Variants in GRAMD4 observed in about 807,000 individuals in gnomAD.
The protein encoded by GRAMD4 is GRAM domain containing 4.
A neutral mutation model predicts 83.9 loss-of-function variants in GRAMD4; 25 were observed. The ratio of observed to expected loss-of-function variants is 0.30; its 90% CI spans 0.22 to 0.42. GRAMD4 has a LOEUF of 0.42. GRAMD4 is among the 10% of genes least tolerant of loss of function. The pLI is 1.00. For synonymous variants in GRAMD4, 336 were observed against 320.9 expected, an observed-to-expected ratio of 1.05 and a Z score of -0.50; for missense variants, 593 against 788.7, an observed-to-expected ratio of 0.75 and a Z score of 2.97.
chr22:46,655,784 C>T (rs1601645999), intron 3 of GRAMD4, among the ~76,000 whole-genome samples: 1 of 152,256 alleles, frequency 6.6e-6, no homozygotes, highest in Non-Finnish European at 1.5e-5. Context: ...GCAGAGGCCA[C>T]CTGCCTCCCT....
chr22:46,665,385 G>T (rs1035917295), intron 8 of GRAMD4, among the ~76,000 whole-genome samples: 1 of 152,242 alleles, frequency 6.6e-6, no homozygotes, highest in African/African-American at 2.4e-5. Flanking sequence ...CTGTCCCCAG[G>T]ACACGCTTCT....
At chr22:46,653,178 CTGATT>C (rs922806861) in intron 3 of GRAMD4, among the ~76,000 whole-genome samples, 3 of 152,228 alleles carry the variant, frequency 2.0e-5, no homozygotes, top group Non-Finnish European at 4.4e-5. Context: ...CTGGGACAGG[CTGATT>C]TGCCACGCTG....
At chr22:46,632,051 A>G (rs1365424764) in intron 2 of GRAMD4, among the ~76,000 whole-genome samples, 9 of 152,230 alleles carry the variant, frequency 5.9e-5, no homozygotes, top group Non-Finnish European at 8.8e-5. Context: ...ACCAAGCACC[A>G]TGTCCTCCAG....
intron 3 of GRAMD4, among the ~76,000 whole-genome samples, chr22:46,650,318 CTGGG>C (rs2082144932): frequency 7.7e-6 from 1 of 129,064 alleles, no homozygotes; most frequent in African/African-American, 3.3e-5. Flanking sequence ...AGTGTCGAGG[CTGGG>C]TGGAGGGCTG....
rs773535613 is a variant in GRAMD4, at chr22:46,655,643, G to A, written c.284-2544G>A. Among the ~76,000 whole-genome samples, 179 of 152,186 alleles carry A rather than the reference G, an allele frequency of 1.2e-3. 1 individual carries two copies. The highest frequency in any genetic ancestry group is 2.1e-3 in the Non-Finnish European group (146 of 68,026). Reference sequence around the variant, plus strand: ...GGGTAGCTCCCTCAGCCCTGGAGACGTGTCCCCCACAGCCCTGGGTCAGGG... The same window carrying A: ...GGGTAGCTCCCTCAGCCCTGGAGACATGTCCCCCACAGCCCTGGGTCAGGG... On this transcript the variant is annotated intron_variant, in intron 3 of 18. Coordinates refer to ENST00000406902, the MANE Select transcript of GRAMD4 (RefSeq NM_015124.5).
At position 46,626,913 on chromosome 22, in the gene GRAMD4, G is replaced by A. The variant is rs2081669779; in HGVS notation, c.114G>A (p.Leu38=). The change falls in exon 2 of 19, where the codon CTG becomes CTA. Residue 38 remains leucine, a synonymous_variant. Coordinates refer to ENST00000406902, the MANE Select transcript of GRAMD4 (RefSeq NM_015124.5). The stretch of plus-strand genomic sequence containing the variant: ...CCGAATGCAGCGACGAAATCCCCCT[G>A]AAGGTACCGCGGACCTCGCCCCGGG... ...SDTECSDEIP[L]KVPRTSPRDS... is the part of the protein sequence containing the mutation. The A allele has an allele frequency of 1.2e-6, 2 of 1,614,070 alleles. No individual in the cohort carries two copies. The highest frequency in any genetic ancestry group is 1.3e-5 in the African/African-American group (1 of 74,948).
At chr22:46,667,863 C>T (rs527791855) in intron 10 of GRAMD4, among the ~76,000 whole-genome samples, 53 of 152,316 alleles carry the variant, frequency 3.5e-4, no homozygotes, top group Middle Eastern at 6.8e-3. Context: ...ATTGCAGGGG[C>T]GGCTCTGCCC....
upstream of GRAMD4, among the ~76,000 whole-genome samples, chr22:46,619,150 G>C (rs142831865): frequency 6.6e-6 from 1 of 152,178 alleles, no homozygotes; most frequent in Non-Finnish European, 1.5e-5. Context: ...GTTGTGAGCC[G>C]ACCTCTTGAG....
At chr22:46,581,632 C>T (rs979702412) in intron 1 of GRAMD4, among the ~76,000 whole-genome samples, 1 of 152,246 alleles carries the variant, frequency 6.6e-6, no homozygotes, top group South Asian at 2.1e-4. Context: ...TGCTCAGGGC[C>T]AGACAGCCCT....
Position 46,646,808 on chromosome 22 carries a change from A to G in GRAMD4, c.283+8848A>G, listed in dbSNP as rs533905224. Among the ~76,000 whole-genome samples the G allele has an allele frequency of 5.3e-5, 8 of 152,310 alleles. No homozygotes were observed. In the South Asian group the frequency reaches 1.7e-3, roughly 32 times the overall value. The stretch of plus-strand genomic sequence containing the variant: ...CATACCTGAGACTGGCGCTTTACAA[A>G]CAAAAGCGGTTTAATGGACTCACAG... On this transcript the variant is annotated intron_variant, in intron 3 of 18. Transcript: ENST00000406902.
chr22:46,667,101 A>C (rs772156466), intron 10 of GRAMD4, among the ~76,000 whole-genome samples: 10 of 152,234 alleles, frequency 6.6e-5, no homozygotes, highest in Non-Finnish European at 1.2e-4. Context: ...TTGGCTGTGC[A>C]AGAAGCAGAT....
At chr22:46,577,205 C>T (rs910162929) in exon 1 of GRAMD4, 4 of 835,620 alleles carry the variant, frequency 4.8e-6, no homozygotes, top group Non-Finnish European at 2.9e-6. Context: ...GGCTCCCGGG[C>T]GGGCGGCAGG....
At chr22:46,607,205 A>AGGG (rs569194023) in intron 1 of GRAMD4, among the ~76,000 whole-genome samples, 12,843 of 108,708 alleles carry the variant, frequency 0.12, 1,080 homozygotes, top group African/African-American at 0.26. Context: ...GTCTTTAAAA[A>AGGG]GGGGGGGGTC....
rs758790896 is a variant in GRAMD4, at chr22:46,674,688, C to T, written c.1416C>T (p.Ile472=). ...AGAATGGCTGGCGCTGCTGCCTCATCAACAGGGACCGGAAGATGCCCACGG... is the reference window on the plus strand; with the variant it reads ...AGAATGGCTGGCGCTGCTGCCTCATTAACAGGGACCGGAAGATGCCCACGG... ...VCENGWRCCL[I]NRDRKMPTDY... Residue 472 remains isoleucine (I), a synonymous_variant, in exon 16 of 19, where the codon ATC becomes ATT. Transcript: ENST00000406902. 6.2e-7 allele frequency: 1 copy of T among 1,612,970 alleles called. No individual in the cohort carries two copies. Among genetic ancestry groups the T allele is most frequent in the Non-Finnish European group, 8.5e-7 (1 of 1,179,552 alleles).
At chr22:46,664,509 G>GGCCCA (rs1355076810) in intron 8 of GRAMD4, among the ~76,000 whole-genome samples, 4 of 152,224 alleles carry the variant, frequency 2.6e-5, no homozygotes, top group Non-Finnish European at 5.9e-5. Context: ...CAGCACGAGG[G>GGCCCA]GCCCAGCCCA....
chr22:46,674,770 C>T lies in GRAMD4; in HGVS notation c.1478+20C>T, dbSNP rs1417091812. 1.3e-6 allele frequency: 2 copies of T among 1,543,308 alleles called. No individual in the cohort carries two copies. Among genetic ancestry groups the T allele is most frequent in the Non-Finnish European group, 1.8e-6 (2 of 1,117,050 alleles). On this transcript the variant is annotated intron_variant, in intron 16 of 18. Transcript: ENST00000406902. ...GGAGAAGTGAGTGCAGCCGTGGGGC[C>T]CTGTGTGGCTGCAGGGGAGGGGGCG...
chr22:46,653,708 G>A (rs1056567043), intron 3 of GRAMD4, among the ~76,000 whole-genome samples: 1 of 152,214 alleles, frequency 6.6e-6, no homozygotes, highest in Admixed American at 6.5e-5. Context: ...AGGGGCCAAA[G>A]TGCCTCTCTG....
At position 46,590,971 on chromosome 22, in the gene GRAMD4, A is replaced by C. The variant is rs142853637; in HGVS notation, c.-50+13681A>C. On this transcript the variant is annotated intron_variant, in intron 1 of 1. Transcript: ENST00000431155. ...GCTACTCAGGAGGCTGTGGGATGAA[A>C]ATTGCACGAACCTGGGAGGCGGAGA... is the stretch of plus-strand genomic sequence containing the variant. 1.7e-3 allele frequency among the ~76,000 whole-genome samples: 254 copies of C among 152,286 alleles called. 1 individual carries two copies. Among genetic ancestry groups the C allele is most frequent in the African/African-American group, 5.8e-3 (242 of 41,554 alleles).
At position 46,661,384 on chromosome 22, in the gene GRAMD4, C is replaced by T. The variant is rs749236289; in HGVS notation, c.408C>T (p.Thr136=). The T allele has an allele frequency of 3.7e-5, 59 of 1,611,924 alleles. No individual in the cohort carries two copies. Among genetic ancestry groups the T allele is most frequent in the African/African-American group, 1.9e-4 (14 of 74,882 alleles). ...QKVQEVLKAR[T]EEQMAQQPPK... is the part of the protein sequence containing the mutation. ...TCTTCTCTCCCTGCTTTTTAAGAAC[C>T]GAGGAGCAGATGGCTCAGCAGCCCC... Residue 136 remains threonine (T), a synonymous_variant, in exon 5 of 19, where the codon ACC becomes ACT. Coordinates refer to ENST00000406902, the MANE Select transcript of GRAMD4 (RefSeq NM_015124.5).
Sources: gnomAD v4.1 joint callset for allele counts (sites outside exome capture counted in the v4.1 genomes callset) on GRCh38, gnomAD v4.1.1 for gene constraint, MANE v1.5 for transcripts, NCBI Gene and HGNC (gene_info 2026-07-23, HGNC 2026-07-21) for gene names.